NEK7: variants seen among roughly 807,000 people sequenced by gnomAD.
NEK7 encodes the protein serine/threonine-protein kinase Nek7.
In NEK7, 18 loss-of-function variants were observed where a neutral mutation model predicts 44.6. The observed-to-expected ratio is 0.40, with a 90% CI of 0.28 to 0.60. The LOEUF is 0.60. Among genes scored for constraint, NEK7 ranks in the 20% least tolerant of loss-of-function variants. The probability of loss-of-function intolerance (pLI) is 0.38; values close to 1 mark genes in which losing one functional copy is unlikely to be tolerated. For missense variants in NEK7, 256 were observed against 366.5 expected (o/e 0.70, Z 2.46); for synonymous variants, 130 against 121.1 (o/e 1.07, Z -0.48).
chr1:198,241,629 A>G (rs1666687217), intron 2 of NEK7, among the ~76,000 whole-genome samples: 1 of 152,248 alleles, frequency 6.6e-6, no homozygotes, highest in Non-Finnish European at 1.5e-5. Flanking sequence ...ACAGAAGGAC[A>G]TAGCTTAGCA....
intron 2 of NEK7, among the ~76,000 whole-genome samples, chr1:198,235,174 T>C (rs75138679): frequency 0.1 from 15,918 of 152,226 alleles, 1,131 homozygotes; most frequent in Non-Finnish European, 0.16. Flanking sequence ...TTCCCTGTTA[T>C]AATGATAAGT....
chr1:198,255,585 G>T (rs1417119502), intron 3 of NEK7, among the ~76,000 whole-genome samples: 1 of 152,162 alleles, frequency 6.6e-6, no homozygotes, highest in Non-Finnish European at 1.5e-5. Flanking sequence ...TTGAATAAGT[G>T]TGAGTTAATT....
chr1:198,228,060 G>A (rs889453039), intron 1 of NEK7, among the ~76,000 whole-genome samples: 1 of 152,186 alleles, frequency 6.6e-6, no homozygotes, highest in Non-Finnish European at 1.5e-5. Context: ...GTGTAAGGAA[G>A]GGATCCAGTT....
chr1:198,293,077 TTTAC>T (rs752790106), intron 8 of NEK7, 38 bp downstream of exon 8: 11 of 1,050,092 alleles, frequency 1.0e-5, no homozygotes, highest in African/African-American at 4.7e-5. Flanking sequence ...TTGATGCAGT[TTTAC>T]TTAGTATATT....
At position 198,186,312 on chromosome 1, in the gene NEK7, G is replaced by C. The variant is rs975408137; in HGVS notation, c.-29+29036G>C. Among the ~76,000 whole-genome samples the C allele has an allele frequency of 3.9e-5, 6 of 152,330 alleles. No homozygotes were observed. In the South Asian group the frequency reaches 1.2e-3, roughly 32 times the overall value. On this transcript the variant is annotated intron_variant, in intron 1 of 9. Transcript: ENST00000367385. ...TAATATTGAAACCATTAAATATTTA[G>C]ATTTATTAAACTTCCCTTTACCTTT...
At chr1:198,317,013 C>G (rs535223982) in intron 9 of NEK7, among the ~76,000 whole-genome samples, 1 of 152,272 alleles carries the variant, frequency 6.6e-6, no homozygotes, top group African/African-American at 2.4e-5. Context: ...GGAGCATTCC[C>G]AAAGCATATT....
chr1:198,204,544 C>G (rs1665532747), intron 1 of NEK7, among the ~76,000 whole-genome samples: 3 of 151,630 alleles, frequency 2.0e-5, no homozygotes, highest in African/African-American at 7.3e-5. Context: ...ACGGTGAAAC[C>G]CTGTCTCTAC....
At chr1:198,295,017 A>T (rs1253021683) in intron 8 of NEK7, among the ~76,000 whole-genome samples, 1 of 151,990 alleles carries the variant, frequency 6.6e-6, no homozygotes, top group Non-Finnish European at 1.5e-5. Flanking sequence ...AACAATGAAG[A>T]CGTAGGAAGC....
chr1:198,320,739 T>C lies in NEK7; in HGVS notation c.*1217T>C, dbSNP rs1438909974. The C allele has an allele frequency of 6.6e-6, 1 of 152,170 alleles. No individual in the cohort carries two copies. The highest frequency in any genetic ancestry group is 1.9e-4 in the East Asian group (1 of 5,206). The allele number at this position is 152,170 out of a possible 1,614,324, so 9.4% of individuals were successfully genotyped here. A position where few individuals can be genotyped will look rare whatever the true frequency, so the allele number is the denominator to read the frequency against. On this transcript the variant is annotated 3_prime_UTR_variant, in exon 10 of 10. Transcript: ENST00000367385. The stretch of plus-strand genomic sequence containing the variant: ...TACAGTTACAATTTATTTGACAAGG[T>C]TGTAATTCTAGAATATGCTTAATAA...
intron 7 of NEK7, among the ~76,000 whole-genome samples, chr1:198,286,323 A>C (rs1558095072): frequency 6.6e-6 from 1 of 152,040 alleles, no homozygotes; most frequent in Non-Finnish European, 1.5e-5. Context: ...TAACCATATT[A>C]TTCTTCTTTT....
chr1:198,201,878 C>T (rs187654909), intron 1 of NEK7, among the ~76,000 whole-genome samples: 114 of 152,246 alleles, frequency 7.5e-4, no homozygotes, highest in African/African-American at 2.6e-3. Flanking sequence ...CACAGTCAAG[C>T]TTTATTTAAA....
In NEK7 at chr1:198,322,352, T is replaced by C. The variant is rs1017373531; in HGVS notation, c.*2830T>C. 8 of 152,134 alleles carry C rather than the reference T, an allele frequency of 5.3e-5. No individual in the cohort carries two copies. The highest frequency in any genetic ancestry group is 1.7e-4 in the African/African-American group (7 of 41,438). The allele number at this position is 152,134 out of a possible 1,614,324, so 9.4% of individuals were successfully genotyped here. A position where few individuals can be genotyped will look rare whatever the true frequency, so the allele number is the denominator to read the frequency against. On this transcript the variant is annotated 3_prime_UTR_variant, in exon 10 of 10. Coordinates refer to ENST00000367385, the MANE Select transcript of NEK7 (RefSeq NM_133494.3). ...TATACATACAAAAAGATTTCTGTTA[T>C]TAGCTTTGAAAATTGTATAATATCC...
At chr1:198,257,896 A>G (rs1353838329) in intron 3 of NEK7, among the ~76,000 whole-genome samples, 1 of 152,232 alleles carries the variant, frequency 6.6e-6, no homozygotes, top group Non-Finnish European at 1.5e-5. Context: ...ATAGGGACAC[A>G]ATAGTGGGAC....
chr1:198,188,350 C>T (rs1426826352), intron 1 of NEK7, among the ~76,000 whole-genome samples: 1 of 152,128 alleles, frequency 6.6e-6, no homozygotes, highest in Non-Finnish European at 1.5e-5. Context: ...TAAAGCACAG[C>T]AAACAGCAGG....
At position 198,157,082 on chromosome 1, in the gene NEK7, C is replaced by G. The variant is rs1346756645; in HGVS notation, c.-223C>G. 1 of 152,004 alleles carries G rather than the reference C, an allele frequency of 6.6e-6. No homozygotes were observed. The highest frequency in any genetic ancestry group is 2.4e-5 in the African/African-American group (1 of 41,426). 9.4% of individuals were successfully genotyped at this position (152,004 alleles called of 1,614,324 possible). A position where few individuals can be genotyped will look rare whatever the true frequency, so the allele number is the denominator to read the frequency against. On this transcript the variant is annotated 5_prime_UTR_variant, in exon 1 of 10. Transcript: ENST00000367385. ...CGCTAGGCTCGCACTCCGGACGCGC[C>G]TCGCAGTGCGCAGGGTGGGTGCCCC...
chr1:198,260,657 A>G (rs780204635), intron 3 of NEK7, among the ~76,000 whole-genome samples: 13 of 152,104 alleles, frequency 8.5e-5, no homozygotes, highest in Middle Eastern at 6.8e-3. Context: ...CTTTTTGTAA[A>G]CCATCAAGTA....
In NEK7 at chr1:198,319,466, G is replaced by T. The variant is rs114884409; in HGVS notation, c.853G>T (p.Val285Phe). 6.2e-7 allele frequency: 1 copy of T among 1,613,176 alleles called. No homozygotes were observed. Among genetic ancestry groups the T allele is most frequent in the East Asian group, 2.2e-5 (1 of 44,860 alleles). ...INPDPEKRPD[V>F]TYVYDVAKRM... ...CCCAGATCCAGAGAAGCGACCAGAC[G>T]TCACCTATGTTTATGACGTAGCAAA... Residue 285 changes from valine to phenylalanine, a missense_variant, in exon 10 of 10, where the codon GTC becomes TTC. Val to Phe is a conservative substitution (Grantham distance 50, BLOSUM62 -1). Around this residue, in one of 3 missense-constraint regions of NEK7, gnomAD observed 58 missense variants for 66.5 expected, o/e 0.87. Coordinates refer to ENST00000367385, the MANE Select transcript of NEK7 (RefSeq NM_133494.3).
intron 1 of NEK7, among the ~76,000 whole-genome samples, chr1:198,158,797 C>T (rs1663998136): frequency 1.3e-5 from 2 of 152,174 alleles, no homozygotes; most frequent in Admixed American, 6.5e-5. Flanking sequence ...AATTCTCTCT[C>T]CCTCGGCGAG....
chr1:198,279,031 A>G lies in NEK7; in HGVS notation c.559A>G (p.Ser187Gly). The G allele has an allele frequency of 6.2e-7, 1 of 1,610,160 alleles. No individual in the cohort carries two copies. Among genetic ancestry groups the G allele is most frequent in the Non-Finnish European group, 8.5e-7 (1 of 1,177,038 alleles). ...LGDLGLGRFF[S>G]SKTTAAHSLV... Reference sequence around the variant, plus strand: ...AGATCTTGGGCTTGGCCGGTTTTTCAGCTCAAAAACCACAGCTGCACATTC... The same window carrying G: ...AGATCTTGGGCTTGGCCGGTTTTTCGGCTCAAAAACCACAGCTGCACATTC... Residue 187 changes from serine (S) to glycine (G), a missense_variant, in exon 7 of 10, where the codon AGC becomes GGC. Coordinates refer to ENST00000367385, the MANE Select transcript of NEK7 (RefSeq NM_133494.3).
Sources: allele counts gnomAD v4.1 joint callset (sites outside exome capture counted in the v4.1 genomes callset), GRCh38; gene constraint gnomAD v4.1.1; regional missense constraint gnomAD v4.1.1; transcripts MANE v1.5; gene names NCBI Gene and HGNC (gene_info 2026-07-23, HGNC 2026-07-21).